CCDC171: variants seen among roughly 807,000 people sequenced by gnomAD.
CCDC171 encodes coiled-coil domain-containing protein 171.
In CCDC171, 177 loss-of-function variants were observed where a neutral mutation model predicts 168.2. That is an observed-to-expected ratio of 1.05 (90% CI 0.93 to 1.19). The LOEUF is 1.19. Ranked by LOEUF, CCDC171 falls within the 50% of genes most tolerant of loss-of-function variation. CCDC171 has a pLI of 0.00. For missense variants in CCDC171, 1,991 were observed against 1,539.0 expected, an observed-to-expected ratio of 1.29 and a Z score of -4.91; for synonymous variants, 687 against 540.8, an observed-to-expected ratio of 1.27 and a Z score of -3.75.
intron 2 of CCDC171, among the ~76,000 whole-genome samples, chr9:15,571,377 T>G (rs1159853085): frequency 6.6e-6 from 1 of 152,186 alleles, no homozygotes; most frequent in Non-Finnish European, 1.5e-5. Flanking sequence ...AGTAGCAATC[T>G]TGAATAATGT....
chr9:15,608,677 G>C (rs752590677), intron 6 of CCDC171, among the ~76,000 whole-genome samples: 1 of 151,402 alleles, frequency 6.6e-6, no homozygotes, highest in Non-Finnish European at 1.5e-5. Flanking sequence ...TTTGGCTGGG[G>C]GTGGTGGCTC....
chr9:16,051,442 G>C (rs191140002), intron 1 of CCDC171, among the ~76,000 whole-genome samples: 3 of 152,204 alleles, frequency 2.0e-5, no homozygotes, highest in African/African-American at 7.2e-5. Flanking sequence ...CCAAGGCCTG[G>C]GTAAGTTTGC....
intron 7 of CCDC171, among the ~76,000 whole-genome samples, chr9:15,642,860 A>T (rs1029909929): frequency 1.1e-4 from 17 of 152,310 alleles, no homozygotes; most frequent in African/African-American, 4.1e-4. Flanking sequence ...TGAAAACTAG[A>T]TCATTAATTA....
At chr9:15,966,959 GTATATT>G (rs1830854603) in intron 25 of CCDC171, among the ~76,000 whole-genome samples, 1 of 152,004 alleles carries the variant, frequency 6.6e-6, no homozygotes, top group African/African-American at 2.4e-5. Flanking sequence ...ATGTGTGTGT[GTATATT>G]TATAAGGTGA....
At chr9:15,953,302 A>G (rs1829420166) in intron 25 of CCDC171, among the ~76,000 whole-genome samples, 1 of 152,166 alleles carries the variant, frequency 6.6e-6, no homozygotes, top group Admixed American at 6.5e-5. Context: ...AGTAAGATAT[A>G]TGCTCCGGGC....
At chr9:15,763,466 A>T (rs1184429889) in intron 18 of CCDC171, among the ~76,000 whole-genome samples, 1 of 152,190 alleles carries the variant, frequency 6.6e-6, no homozygotes, top group African/African-American at 2.4e-5. Flanking sequence ...GCCAGCCCTT[A>T]TCCAGAGTTA....
intron 16 of CCDC171, among the ~76,000 whole-genome samples, chr9:15,733,432 A>G (rs1217165691): frequency 2.0e-5 from 3 of 148,056 alleles, no homozygotes; most frequent in East Asian, 3.9e-4. Flanking sequence ...TCTATGATCA[A>G]TTTTGAGTTA....
At chr9:15,757,960 G>A (rs1465465541) in intron 18 of CCDC171, among the ~76,000 whole-genome samples, 1 of 152,214 alleles carries the variant, frequency 6.6e-6, no homozygotes, top group Non-Finnish European at 1.5e-5. Flanking sequence ...AGGATGCCCA[G>A]GCAGAAGTTT....
At chr9:16,022,824 T>C (rs377725257) in exon 6 of CCDC171, 2 of 152,378 alleles carry the variant, frequency 1.3e-5, no homozygotes, top group East Asian at 3.9e-4. Context: ...AGCCGAGTCA[T>C]TTGTCTGCTC....
intron 16 of CCDC171, among the ~76,000 whole-genome samples, chr9:15,736,314 GGT>G (rs1243440938): frequency 6.6e-6 from 1 of 151,550 alleles, no homozygotes; most frequent in African/African-American, 2.4e-5. Flanking sequence ...TCTGAAAATA[GGT>G]ATAGTGATAC....
At chr9:15,843,899 C>G (rs1228436592) in intron 21 of CCDC171, among the ~76,000 whole-genome samples, 1 of 152,104 alleles carries the variant, frequency 6.6e-6, no homozygotes, top group Non-Finnish European at 1.5e-5. Context: ...ATTCTTCTCC[C>G]CACTAAATGT....
intron 3 of CCDC171, among the ~76,000 whole-genome samples, chr9:15,994,793 G>C (rs1832319394): frequency 6.6e-6 from 1 of 152,154 alleles, no homozygotes; most frequent in Non-Finnish European, 1.5e-5. Context: ...TTCACCATCA[G>C]TCAATGAATG....
intron 25 of CCDC171, among the ~76,000 whole-genome samples, chr9:15,950,631 C>T (rs1829032343): frequency 6.6e-6 from 1 of 152,008 alleles, no homozygotes; most frequent in Non-Finnish European, 1.5e-5. Flanking sequence ...AAGCGCTAAA[C>T]ATGGAAAGGA....
intron 3 of CCDC171, among the ~76,000 whole-genome samples, chr9:15,981,033 C>A (rs750537359): frequency 6.6e-6 from 1 of 151,974 alleles, no homozygotes; most frequent in South Asian, 2.1e-4. Context: ...CAGGAAAACC[C>A]CCATATAATA....
intron 25 of CCDC171, among the ~76,000 whole-genome samples, chr9:15,933,242 A>T (rs1043361477): frequency 6.6e-6 from 1 of 151,994 alleles, no homozygotes; most frequent in African/African-American, 2.4e-5. Context: ...TTGATGGAAG[A>T]TGTTTAATTA....
intron 21 of CCDC171, among the ~76,000 whole-genome samples, chr9:15,814,812 CAT>C (rs2059500767): frequency 1.3e-5 from 2 of 152,090 alleles, no homozygotes; most frequent in African/African-American, 4.8e-5. Context: ...AATTAATACA[CAT>C]ATTTGAGCCT....
At chr9:15,810,320 G>C (rs542928429) in intron 21 of CCDC171, among the ~76,000 whole-genome samples, 1 of 152,254 alleles carries the variant, frequency 6.6e-6, no homozygotes, top group Admixed American at 6.5e-5. Context: ...CGACTCAGGA[G>C]CCCAGCTGGC....
chr9:15,561,410 A>C (rs1206529911), intron 1 of CCDC171, among the ~76,000 whole-genome samples: 1 of 152,196 alleles, frequency 6.6e-6, no homozygotes. Context: ...TTTTGATTGC[A>C]TGTCATGAGG....
At chr9:15,741,823 A>G (rs2054898064) in intron 16 of CCDC171, among the ~76,000 whole-genome samples, 2 of 152,140 alleles carry the variant, frequency 1.3e-5, no homozygotes, top group Admixed American at 1.3e-4. Flanking sequence ...ATACTAGTGG[A>G]GATAGTGGGT....
Sources: allele counts gnomAD v4.1 joint callset (sites outside exome capture counted in the v4.1 genomes callset), GRCh38; gene constraint gnomAD v4.1.1; transcripts MANE v1.5; gene names NCBI Gene and HGNC (gene_info 2026-07-23, HGNC 2026-07-21).